ELF1: variants seen among roughly 807,000 people sequenced by gnomAD.
ELF1 encodes ETS-related transcription factor Elf-1.
ELF1 carries 24 observed loss-of-function variants against 59.9 expected under a neutral mutation model. That is an observed-to-expected ratio of 0.40 (90% CI 0.29 to 0.56). The LOEUF (loss-of-function observed/expected upper bound fraction) is 0.56, where lower values mean the gene tolerates loss of function less well. ELF1 is among the 20% of genes least tolerant of loss of function. The probability of loss-of-function intolerance (pLI) is 0.44; values close to 1 mark genes in which losing one functional copy is unlikely to be tolerated. For synonymous variants in ELF1, 248 were observed against 266.2 expected (o/e 0.93, Z 0.67); for missense variants, 627 against 742.2 (o/e 0.84, Z 1.80).
chr13:40,940,459 C>G (rs560149773), intron 8 of ELF1, among the ~76,000 whole-genome samples: 1 of 148,406 alleles, frequency 6.7e-6, no homozygotes, highest in Non-Finnish European at 1.5e-5. Flanking sequence ...AAAAGAGGAC[C>G]TTAGATTCTT....
intron 8 of ELF1, among the ~76,000 whole-genome samples, chr13:40,940,386 GAAAAAAAAAAAAAAAAA>G (rs375400990): frequency 0.012 from 1,344 of 109,982 alleles, 57 homozygotes; most frequent in African/African-American, 0.062. Context: ...TGATTTAACT[GAAAAAAAAAAAAAAAAA>G]AAAAAAAAAA....
rs1412587471 is a variant in ELF1, at chr13:40,982,174, T to C, written c.-120A>G. 7.4e-6 allele frequency: 10 copies of C among 1,352,996 alleles called. No homozygotes were observed. Among genetic ancestry groups the C allele is most frequent in the Non-Finnish European group, 9.5e-6 (10 of 1,047,814 alleles). The allele number at this position is 1,352,996 out of a possible 1,614,324, so 83.8% of individuals were successfully genotyped here. On this transcript the variant is annotated 5_prime_UTR_variant, in exon 2 of 9. In the 5' UTR this introduces an upstream ATG that the reference lacks. Transcript: ENST00000239882. ...CTCAGCTCTGTCTGTGGAGTAATTG[T>C]ATACCCAAGTTTTCTTTAGGGAAGG...
upstream of ELF1, among the ~76,000 whole-genome samples, chr13:41,020,466 T>C (rs919371075): frequency 1.3e-5 from 2 of 152,192 alleles, no homozygotes; most frequent in African/African-American, 4.8e-5. Flanking sequence ...ACCAGAGGCA[T>C]AGTTGAGAGC....
At chr13:41,007,341 G>A (rs191174187) in intron 1 of ELF1, among the ~76,000 whole-genome samples, 1 of 152,130 alleles carries the variant, frequency 6.6e-6, no homozygotes. Context: ...AGAACACAAC[G>A]GGAAAATGTA....
intron 1 of ELF1, among the ~76,000 whole-genome samples, chr13:41,044,516 T>C (rs1282641036): frequency 6.6e-6 from 1 of 152,232 alleles, no homozygotes; most frequent in Non-Finnish European, 1.5e-5. Flanking sequence ...CTGTTGAATT[T>C]TGTCAAAGGC....
At chr13:41,031,926 T>C (rs1876181274) in intron 1 of ELF1, among the ~76,000 whole-genome samples, 1 of 150,604 alleles carries the variant, frequency 6.6e-6, no homozygotes, top group Non-Finnish European at 1.5e-5. Flanking sequence ...TTTTATAAAA[T>C]CCATGAAAAT....
intron 1 of ELF1, among the ~76,000 whole-genome samples, chr13:41,058,982 AAAG>A (rs61157277): frequency 2.0e-3 from 299 of 152,304 alleles, no homozygotes; most frequent in African/African-American, 6.5e-3. Context: ...TCAACAAAAA[AAAG>A]AAGAAAAAGT....
chr13:41,044,526 C>T (rs896229623), intron 1 of ELF1, among the ~76,000 whole-genome samples: 2 of 152,174 alleles, frequency 1.3e-5, no homozygotes, highest in African/African-American at 4.8e-5. Flanking sequence ...TTGTCAAAGG[C>T]CTTCTCTGCA....
At chr13:41,028,238 G>T (rs932151591) in intron 1 of ELF1, among the ~76,000 whole-genome samples, 1 of 152,160 alleles carries the variant, frequency 6.6e-6, no homozygotes, top group African/African-American at 2.4e-5. Context: ...CATAGCTGGG[G>T]GTGATTAATC....
chr13:41,034,910 C>T (rs917705862), intron 1 of ELF1, among the ~76,000 whole-genome samples: 3 of 151,996 alleles, frequency 2.0e-5, no homozygotes, highest in African/African-American at 4.8e-5. Flanking sequence ...CGGCATTCTA[C>T]GCCCCCAGCA....
intron 8 of ELF1, among the ~76,000 whole-genome samples, chr13:40,940,386 G>GAAAAAAAAAAAAAAAAAA (rs375400990): frequency 1.8e-5 from 2 of 109,894 alleles, no homozygotes; most frequent in African/African-American, 9.7e-5. Context: ...TGATTTAACT[G>GAAAAAAAAAAAAAAAAAA]AAAAAAAAAA....
At chr13:40,994,611 C>T (rs1042216709) in intron 1 of ELF1, among the ~76,000 whole-genome samples, 1 of 152,168 alleles carries the variant, frequency 6.6e-6, no homozygotes, top group Non-Finnish European at 1.5e-5. Context: ...CCACTGCCCT[C>T]CAGCCTGGGC....
intron 3 of ELF1, among the ~76,000 whole-genome samples, chr13:40,955,492 T>A (rs1871248337): frequency 1.1e-5 from 1 of 92,918 alleles, no homozygotes; most frequent in African/African-American, 4.3e-5. Flanking sequence ...CGGCCGCCCC[T>A]ACTGGGAAGT....
chr13:40,942,355 C>T (rs759141133), intron 7 of ELF1, among the ~76,000 whole-genome samples: 7 of 152,086 alleles, frequency 4.6e-5, no homozygotes, highest in Non-Finnish European at 1.0e-4. Flanking sequence ...CAAATACATG[C>T]GTATCTTGAA....
intron 3 of ELF1, among the ~76,000 whole-genome samples, chr13:40,955,646 C>G (rs1345523344): frequency 7.7e-5 from 8 of 104,402 alleles, no homozygotes; most frequent in African/African-American, 2.9e-4. Context: ...CCCCTCTGCC[C>G]GGCCAGCCGC....
chr13:40,963,060 C>T (rs1022096618), intron 2 of ELF1, among the ~76,000 whole-genome samples: 4 of 152,124 alleles, frequency 2.6e-5, no homozygotes, highest in South Asian at 2.1e-4. Context: ...CATTGCTTTA[C>T]GTGAATTATC....
At chr13:41,016,818 G>A (rs1215661601) in intron 1 of ELF1, among the ~76,000 whole-genome samples, 1 of 147,866 alleles carries the variant, frequency 6.8e-6, no homozygotes, top group Non-Finnish European at 1.5e-5. Context: ...GGAGGCTGAG[G>A]CAGGAGAATT....
chr13:40,947,772 A>G (rs1476824412), intron 5 of ELF1, among the ~76,000 whole-genome samples: 3 of 152,216 alleles, frequency 2.0e-5, no homozygotes, highest in East Asian at 3.8e-4. Context: ...CACAGAATAC[A>G]TGAGGAAGAC....
At chr13:40,976,171 T>G (rs1288710646) in intron 2 of ELF1, among the ~76,000 whole-genome samples, 1 of 152,122 alleles carries the variant, frequency 6.6e-6, no homozygotes, top group African/African-American at 2.4e-5. Flanking sequence ...GAGCAAACAG[T>G]GGGGAAGCAG....
Sources: gnomAD v4.1 joint callset for allele counts (sites outside exome capture counted in the v4.1 genomes callset) on GRCh38, gnomAD v4.1.1 for gene constraint, MANE v1.5 for transcripts, NCBI Gene and HGNC (gene_info 2026-07-23, HGNC 2026-07-21) for gene names.